The following DSCAM variants were observed in gnomAD, a reference collection of about 807,000 sequenced individuals.
DSCAM encodes the protein DS cell adhesion molecule, also known as cell adhesion molecule DSCAM.
In DSCAM, 47 loss-of-function variants were observed where a neutral mutation model predicts 217.7. The ratio of observed to expected loss-of-function variants is 0.22; its 90% CI spans 0.17 to 0.28. DSCAM has a LOEUF of 0.28. Ranked by LOEUF, DSCAM falls within the 10% of genes least tolerant of loss-of-function variation. The probability of loss-of-function intolerance (pLI) is 1.00; values close to 1 mark genes in which losing one functional copy is unlikely to be tolerated. For synonymous variants in DSCAM, 1,056 were observed against 1,015.3 expected, an observed-to-expected ratio of 1.04 and a Z score of -0.76; for missense variants, 2,080 against 2,618.3, an observed-to-expected ratio of 0.79 and a Z score of 4.49.
At chr21:40,679,738 TAATA>T (rs1318776152) in intron 3 of DSCAM, among the ~76,000 whole-genome samples, 4 of 152,240 alleles carry the variant, frequency 2.6e-5, no homozygotes, top group Admixed American at 2.0e-4. Flanking sequence ...ATAAACGTTT[TAATA>T]AATAAGTAAA....
chr21:40,574,584 C>G (rs1331024197), intron 3 of DSCAM, among the ~76,000 whole-genome samples: 1 of 152,174 alleles, frequency 6.6e-6, no homozygotes, highest in Non-Finnish European at 1.5e-5. Flanking sequence ...TCACTCATCA[C>G]TTTTAGTCAC....
At chr21:40,065,841 G>A (rs1177789236) in intron 27 of DSCAM, among the ~76,000 whole-genome samples, 3 of 152,200 alleles carry the variant, frequency 2.0e-5, no homozygotes, top group Non-Finnish European at 2.9e-5. Flanking sequence ...AGTGATACCT[G>A]TGCTTTGAAA....
chr21:40,321,616 CT>C (rs548006636), intron 8 of DSCAM, among the ~76,000 whole-genome samples: 9,684 of 136,392 alleles, frequency 0.071, 325 homozygotes, highest in Middle Eastern at 0.11. Context: ...ACTGGTCATT[CT>C]TTTTTTTTTT....
intron 3 of DSCAM, among the ~76,000 whole-genome samples, chr21:40,545,964 C>G (rs140251018): frequency 1.3e-5 from 2 of 152,146 alleles, no homozygotes; most frequent in African/African-American, 2.4e-5. Context: ...CCAGCCTTGG[C>G]GAGCCTTTGT....
At chr21:40,615,982 A>G (rs1427141936) in intron 3 of DSCAM, among the ~76,000 whole-genome samples, 2 of 152,100 alleles carry the variant, frequency 1.3e-5, no homozygotes, top group South Asian at 2.1e-4. Flanking sequence ...ACGTTTTGAA[A>G]TCAAATCAAA....
chr21:40,485,997 T>G (rs1007105010), intron 3 of DSCAM, among the ~76,000 whole-genome samples: 5 of 152,216 alleles, frequency 3.3e-5, no homozygotes, highest in Non-Finnish European at 7.3e-5. Context: ...CTAAAAGTTT[T>G]TAAGGCAGCT....
chr21:40,364,693 T>C (rs1481223857), intron 4 of DSCAM, among the ~76,000 whole-genome samples: 3 of 35,168 alleles, frequency 8.5e-5, no homozygotes, highest in Admixed American at 6.8e-4. Flanking sequence ...AAAAAGTGTA[T>C]ATATATATAT....
intron 11 of DSCAM, among the ~76,000 whole-genome samples, chr21:40,214,044 GACGGAAACCCAGCAAACAC>G (rs2091214339): frequency 1.3e-5 from 2 of 152,204 alleles, no homozygotes; most frequent in Admixed American, 1.3e-4. Context: ...TTCCTAGACA[GACGGAAACCCAGCAAACAC>G]ACGAAGCGAG....
Position 40,144,651 on chromosome 21 carries a change from G to T in DSCAM, c.3099C>A (p.Phe1033Leu). 6.2e-7 allele frequency: 1 copy of T among 1,614,142 alleles called. No homozygotes were observed. The highest frequency in any genetic ancestry group is 8.5e-7 in the Non-Finnish European group (1 of 1,180,034). The change falls in exon 17 of 33, where the codon TTC (phenylalanine) becomes TTA (leucine). Residue 1033 changes from phenylalanine (F) to leucine (L), a missense_variant. By Grantham distance (22) the Phe-to-Leu change is conservative. Transcript: ENST00000400454. This position sits in a 1 kb window ranked among gnomAD's most constrained non-coding sequence, Gnocchi z 4.8. Reference protein sequence around the residue: ...GYREYSTGGNFQFNIISVDTS... With the variant: ...GYREYSTGGNLQFNIISVDTS... ...TGTCGACACTGATAATGTTGAATTG[G>T]AAGTTACCCCCAGTGCTGTACTCTC...
intron 3 of DSCAM, among the ~76,000 whole-genome samples, chr21:40,502,493 G>A (rs528709994): frequency 6.6e-6 from 1 of 152,308 alleles, no homozygotes; most frequent in South Asian, 2.1e-4. Flanking sequence ...GGGGTTGGCA[G>A]GCCGTCTTCT....
intron 3 of DSCAM, among the ~76,000 whole-genome samples, chr21:40,676,880 G>A (rs1225006533): frequency 2.6e-5 from 4 of 151,996 alleles, no homozygotes; most frequent in Admixed American, 6.6e-5. Flanking sequence ...CTGTGGAAAC[G>A]AGTCACGTGC....
chr21:40,017,120 A>C (rs1357726759), intron 32 of DSCAM, among the ~76,000 whole-genome samples: 2 of 151,500 alleles, frequency 1.3e-5, no homozygotes, highest in South Asian at 2.1e-4. Flanking sequence ...AAAAAAAAAA[A>C]GTATAAGAGA....
chr21:40,430,927 G>A (rs188835732), intron 3 of DSCAM, among the ~76,000 whole-genome samples: 18 of 152,324 alleles, frequency 1.2e-4, no homozygotes, highest in African/African-American at 4.1e-4. Context: ...TGGTAAGGGT[G>A]GAGGCAGCAG....
chr21:40,046,024 A>G (rs1045627918), intron 30 of DSCAM, among the ~76,000 whole-genome samples: 1 of 152,188 alleles, frequency 6.6e-6, no homozygotes, highest in African/African-American at 2.4e-5. Flanking sequence ...TGATAAAACT[A>G]TAACCCAAAC....
intron 10 of DSCAM, among the ~76,000 whole-genome samples, chr21:40,290,466 C>T (rs1316061398): frequency 6.6e-6 from 1 of 151,998 alleles, no homozygotes; most frequent in Non-Finnish European, 1.5e-5. Context: ...ACCCAAAATA[C>T]AAAAATTAGC....
At chr21:40,063,267 G>T (rs1369148010) in intron 27 of DSCAM, among the ~76,000 whole-genome samples, 1 of 151,972 alleles carries the variant, frequency 6.6e-6, no homozygotes, top group Admixed American at 6.5e-5. Context: ...CATGCTTTTT[G>T]TTATCAAAAT....
At chr21:40,226,798 AG>A (rs2146914695) in intron 11 of DSCAM, among the ~76,000 whole-genome samples, 1 of 152,306 alleles carries the variant, frequency 6.6e-6, no homozygotes, top group Admixed American at 6.5e-5. Context: ...TTTATTATGC[AG>A]GTAAACTTGT....
At chr21:40,707,631 CAA>C (rs2090732281) in intron 2 of DSCAM, among the ~76,000 whole-genome samples, 2 of 152,172 alleles carry the variant, frequency 1.3e-5, no homozygotes, top group Admixed American at 6.5e-5. Context: ...AGAAAAAAAT[CAA>C]AGTCACATTC....
chr21:40,537,122 C>T (rs1325719494), intron 3 of DSCAM, among the ~76,000 whole-genome samples: 5 of 152,134 alleles, frequency 3.3e-5, no homozygotes, highest in African/African-American at 7.2e-5. Flanking sequence ...TTCTCATGGG[C>T]CACAGAGATA....
Sources: allele counts gnomAD v4.1 joint callset (sites outside exome capture counted in the v4.1 genomes callset), GRCh38; gene constraint gnomAD v4.1.1; non-coding constraint Gnocchi (gnomAD v3.1); transcripts MANE v1.5; gene names NCBI Gene and HGNC (gene_info 2026-07-23, HGNC 2026-07-21).